The following RGS3 variants were observed in gnomAD, a reference collection of about 807,000 sequenced individuals.
RGS3 encodes regulator of G protein signaling 3, also known as regulator of G-protein signalling 3.
In RGS3, 80 loss-of-function variants were observed where a neutral mutation model predicts 132.6. That is an observed-to-expected ratio of 0.60 (90% confidence interval 0.50 to 0.73). The LOEUF (loss-of-function observed/expected upper bound fraction) is 0.73, where lower values mean the gene tolerates loss of function less well. Ranked by LOEUF, RGS3 falls within the 30% of genes least tolerant of loss-of-function variation. The pLI, the probability that RGS3 is intolerant of heterozygous loss-of-function variation, is 0.00. For synonymous variants in RGS3, 598 were observed against 620.6 expected, an observed-to-expected ratio of 0.96 and a Z score of 0.54; for missense variants, 1,382 against 1,530.8, an observed-to-expected ratio of 0.90 and a Z score of 1.62.
intron 15 of RGS3, among the ~76,000 whole-genome samples, chr9:113,515,955 G>A (rs115480319): frequency 0.014 from 2,207 of 152,256 alleles, 57 homozygotes; most frequent in African/African-American, 0.05. Flanking sequence ...AAATCCTTGC[G>A]CATGGATTGC....
At chr9:113,517,317 A>T (rs1321882796) in intron 15 of RGS3, 2 of 664,382 alleles carry the variant, frequency 3.0e-6, no homozygotes, top group Admixed American at 2.1e-5. Context: ...GTGAGGGTTG[A>T]TGGGGAAGGT....
chr9:113,498,078 A>G, exon 10 of RGS3: 1 of 1,613,934 alleles, frequency 6.2e-7, no homozygotes, highest in South Asian at 1.1e-5. Context: ...GAAGAAACTA[A>G]AGGTAGGTGG....
chr9:113,452,618 C>G (rs181187802), intron 1 of RGS3, among the ~76,000 whole-genome samples: 2 of 151,890 alleles, frequency 1.3e-5, no homozygotes, highest in African/African-American at 2.4e-5. Context: ...CTGTCCCCTA[C>G]TTTCTTCTGG....
intron 14 of RGS3, among the ~76,000 whole-genome samples, chr9:113,509,828 T>C (rs1437319758): frequency 6.6e-6 from 1 of 152,146 alleles, no homozygotes; most frequent in Non-Finnish European, 1.5e-5. Context: ...ATGGAAGACA[T>C]CTTCTTTCTC....
intron 19 of RGS3, among the ~76,000 whole-genome samples, chr9:113,543,712 G>T (rs1390262106): frequency 1.3e-5 from 2 of 152,222 alleles, no homozygotes; most frequent in African/African-American, 4.8e-5. Context: ...CAGGTGCAGA[G>T]GACAGGAGCT....
In RGS3 at chr9:113,506,111, G is replaced by A. The variant is rs1403197327; in HGVS notation, c.980-277G>A. 6.6e-6 allele frequency among the ~76,000 whole-genome samples: 1 copy of A among 152,072 alleles called. No homozygotes were observed. The highest frequency in any genetic ancestry group is 1.9e-4 in the East Asian group (1 of 5,178). On this transcript the variant is annotated intron_variant, in intron 11 of 24. Transcript: ENST00000350696. The surrounding 1 kb of genome is among the most constrained non-coding windows in gnomAD (Gnocchi z 4.7). ...GTAGGAGGCCCTGGGGAGGGGTAAGGGCCCGGGTAGAAGGGTGGACTGCAG... is the reference window on the plus strand; with the variant it reads ...GTAGGAGGCCCTGGGGAGGGGTAAGAGCCCGGGTAGAAGGGTGGACTGCAG...
intron 7 of RGS3, 47 bp from the exon 6 acceptor site, chr9:113,495,739 A>C: frequency 6.5e-7 from 1 of 1,537,988 alleles, no homozygotes; most frequent in Non-Finnish European, 9.0e-7. Context: ...ACCTCCCGAT[A>C]GAGCCCAGAA....
intron 17 of RGS3, among the ~76,000 whole-genome samples, chr9:113,525,889 T>C (rs571318432): frequency 1.1e-4 from 17 of 152,264 alleles, no homozygotes; most frequent in Middle Eastern, 3.4e-3. Flanking sequence ...GTTCGGGAGC[T>C]GGGGGTGCAC....
intron 19 of RGS3, among the ~76,000 whole-genome samples, chr9:113,545,860 C>T (rs1027898570): frequency 2.0e-5 from 3 of 152,196 alleles, no homozygotes; most frequent in Admixed American, 6.5e-5. Flanking sequence ...GATATGAAGA[C>T]GCTGAGTCTC....
At chr9:113,541,961 T>A (rs1832923706) in intron 19 of RGS3, 1 of 711,180 alleles carries the variant, frequency 1.4e-6, no homozygotes. Context: ...ATGGTCTCGC[T>A]CTCATCAAGA....
At chr9:113,445,120 TTC>T (rs1829073880) in intron 1 of RGS3, among the ~76,000 whole-genome samples, 1 of 152,220 alleles carries the variant, frequency 6.6e-6, no homozygotes, top group South Asian at 2.1e-4. Context: ...GTTTCTTTTG[TTC>T]TTTGCTACTT....
At chr9:113,594,567 AACTC>A in intron 22 of RGS3, 36 bp downstream of exon 20, 1 of 1,555,928 alleles carries the variant, frequency 6.4e-7, no homozygotes, top group Non-Finnish European at 8.9e-7. Flanking sequence ...CCCTTTGGGG[AACTC>A]ACTGGCTCCC....
chr9:113,508,586 T>TC lies in RGS3; in HGVS notation c.1477+7dup. 6.2e-7 allele frequency: 1 copy of TC among 1,611,768 alleles called. No homozygotes were observed. The highest frequency in any genetic ancestry group is 1.7e-5 in the Admixed American group (1 of 60,018). On this transcript the variant is annotated splice_region_variant and intron_variant, in intron 14 of 24. Coordinates refer to ENST00000350696, the Ensembl canonical transcript of RGS3. ...GGAGGATACCATCCCCGAAGGTGAG[T>TC]CTCCTGCTGCTGCTGTGCCCTCCTA...
At chr9:113,511,153 C>G (rs1256511881) in intron 14 of RGS3, among the ~76,000 whole-genome samples, 5 of 152,224 alleles carry the variant, frequency 3.3e-5, no homozygotes, top group African/African-American at 9.7e-5. Flanking sequence ...TGCTGGTGCC[C>G]TTGGCATTGT....
chr9:113,452,792 C>G (rs1312181029), intron 1 of RGS3, among the ~76,000 whole-genome samples: 1 of 149,546 alleles, frequency 6.7e-6, no homozygotes, highest in Non-Finnish European at 1.5e-5. Flanking sequence ...GTTCACCGAT[C>G]TTTTTTTGTG....
At chr9:113,511,283 C>A (rs1831387939) in intron 14 of RGS3, among the ~76,000 whole-genome samples, 1 of 151,984 alleles carries the variant, frequency 6.6e-6, no homozygotes, top group African/African-American at 2.4e-5. Context: ...GTCGGTGAAG[C>A]AGGTGTTGGA....
intron 1 of RGS3, chr9:113,461,690 G>A (rs759789749): frequency 6.2e-6 from 10 of 1,608,676 alleles, no homozygotes; most frequent in African/African-American, 4.0e-5. Flanking sequence ...TGTGGGCCTC[G>A]GTCTTTTCTC....
chr9:113,456,003 G>C (rs1829355237), upstream of RGS3, among the ~76,000 whole-genome samples: 1 of 152,098 alleles, frequency 6.6e-6, no homozygotes, highest in Non-Finnish European at 1.5e-5. Flanking sequence ...AGGTCAACAG[G>C]GACTGTCTTG....
intron 1 of RGS3, chr9:113,461,557 C>A: frequency 2.7e-6 from 2 of 746,856 alleles, no homozygotes; most frequent in Non-Finnish European, 4.4e-6. Flanking sequence ...GGGGCCAGCT[C>A]AGGATCAGGC....
Sources: allele counts gnomAD v4.1 joint callset (sites outside exome capture counted in the v4.1 genomes callset), GRCh38; gene constraint gnomAD v4.1.1; non-coding constraint Gnocchi (gnomAD v3.1); transcripts MANE v1.5; gene names NCBI Gene and HGNC (gene_info 2026-07-23, HGNC 2026-07-21).